The following ACSM3 variants were observed in gnomAD, a reference collection of about 807,000 sequenced individuals.
ACSM3 encodes the protein acyl-CoA synthetase medium chain family member 3, also known as acyl-coenzyme A synthetase ACSM3, mitochondrial.
Under a neutral mutation model 74.1 loss-of-function variants are expected in ACSM3, and 61 were observed. The ratio of observed to expected loss-of-function variants is 0.82; its 90% confidence interval spans 0.67 to 1.02. The LOEUF is 1.02. Among genes scored for constraint, ACSM3 ranks in the 50% least tolerant of loss-of-function variants. ACSM3 has a pLI of 0.00. For missense variants in ACSM3, 660 were observed against 697.0 expected, an observed-to-expected ratio of 0.95 and a Z score of 0.60; for synonymous variants, 213 against 241.5, an observed-to-expected ratio of 0.88 and a Z score of 1.09.
chr16:20,690,681 G>A (rs976499447), intron 1 of ACSM3, among the ~76,000 whole-genome samples: 6 of 152,154 alleles, frequency 3.9e-5, no homozygotes, highest in Admixed American at 6.5e-5. Context: ...AGACTAATAC[G>A]AATTTGCTGA....
chr16:20,676,693 G>A (rs889403477), intron 1 of ACSM3, among the ~76,000 whole-genome samples: 1 of 152,188 alleles, frequency 6.6e-6, no homozygotes, highest in African/African-American at 2.4e-5. Flanking sequence ...TTGCAAGGAG[G>A]CATGGTCGTG....
At chr16:20,755,627 T>TTTATTGTTA (rs2080023038) in intron 3 of ACSM3, 1 of 146,134 alleles carries the variant, frequency 6.8e-6, no homozygotes, top group Non-Finnish European at 1.5e-5. Context: ...GTAAGTGCTT[T>TTTATTGTTA]TTATTATTAT....
intron 1 of ACSM3, among the ~76,000 whole-genome samples, chr16:20,683,990 A>G (rs535804159): frequency 2.4e-4 from 36 of 152,256 alleles, no homozygotes; most frequent in African/African-American, 8.4e-4. Flanking sequence ...TGAATCACCT[A>G]TTTTATTTGT....
intron 1 of ACSM3, among the ~76,000 whole-genome samples, chr16:20,765,716 A>G (rs1464553682): frequency 6.6e-6 from 1 of 152,234 alleles, no homozygotes; most frequent in Non-Finnish European, 1.5e-5. Context: ...ATACACGGGT[A>G]ATGAATAAAT....
At chr16:20,728,329 CCTG>C in intron 1 of ACSM3, 2 of 896,510 alleles carry the variant, frequency 2.2e-6, no homozygotes, top group Admixed American at 2.2e-5. Flanking sequence ...CTATTTACAA[CCTG>C]CTTTCATTTT....
intron 9 of ACSM3, chr16:20,789,581 A>G: frequency 6.6e-7 from 1 of 1,516,420 alleles, no homozygotes; most frequent in Non-Finnish European, 9.2e-7. Flanking sequence ...GAAAACCAGT[A>G]ATGAAGATAT....
In ACSM3 at chr16:20,781,699, A is replaced by C. The variant is rs2080356451; in HGVS notation, c.940-9A>C. 1 of 1,607,698 alleles carries C rather than the reference A, an allele frequency of 6.2e-7. No individual in the cohort carries two copies. Among genetic ancestry groups the C allele is most frequent in the South Asian group, 1.1e-5 (1 of 90,948 alleles). On this transcript the variant is annotated splice_polypyrimidine_tract_variant and intron_variant, in intron 6 of 13. Coordinates refer to ENST00000289416, the MANE Select transcript of ACSM3 (RefSeq NM_005622.4). ...GTAAGACCAAGAGTTTGCTTTTTCT[A>C]AATTGCAGACACTCTCCAAGTACCC...
chr16:20,769,959 T>A, intron 1 of ACSM3, 25 bp from the exon 2 acceptor site: 1 of 1,467,184 alleles, frequency 6.8e-7, no homozygotes, highest in Non-Finnish European at 9.5e-7. Context: ...GAAACAAATA[T>A]ATGTCCTTTT....
intron 1 of ACSM3, chr16:20,703,311 A>T (rs893970698): frequency 6.6e-6 from 1 of 152,146 alleles, no homozygotes; most frequent in Admixed American, 6.5e-5. Context: ...TTTTTGTTCC[A>T]TATGAAATTT....
chr16:20,749,466 T>C (rs2079973126), intron 1 of ACSM3: 1 of 152,132 alleles, frequency 6.6e-6, no homozygotes, highest in Admixed American at 6.5e-5. Flanking sequence ...AGAAGAGTAT[T>C]TTCACCCCCT....
At chr16:20,727,333 G>A (rs1360017915) in intron 1 of ACSM3, 16 of 585,900 alleles carry the variant, frequency 2.7e-5, no homozygotes, top group South Asian at 1.9e-4. Flanking sequence ...ATGCAACTCT[G>A]TCTCTCCAGA....
At chr16:20,779,252 T>C (rs183159011) in intron 4 of ACSM3, among the ~76,000 whole-genome samples, 1 of 151,688 alleles carries the variant, frequency 6.6e-6, no homozygotes, top group East Asian at 1.9e-4. Flanking sequence ...GTGAAACCTC[T>C]TCTCTATATA....
intron 1 of ACSM3, among the ~76,000 whole-genome samples, chr16:20,704,355 A>C (rs1475499650): frequency 6.6e-6 from 1 of 152,226 alleles, no homozygotes; most frequent in Admixed American, 6.5e-5. Context: ...AGCCTCACGA[A>C]AGCCAGAAAA....
rs111712307 is a variant in ACSM3, at chr16:20,792,949, G to C, written c.1554+614G>C. ...CCTGTGTGTCTACAACATGCCCCTA[G>C]GGTTTCTCTAGCTGAGTTACAAGTT... On this transcript the variant is annotated intron_variant, in intron 12 of 13. Transcript: ENST00000289416. Among the ~76,000 whole-genome samples, 821 of 152,272 alleles carry C rather than the reference G, an allele frequency of 5.4e-3. 9 individuals are homozygous for C. The highest frequency in any genetic ancestry group is 0.019 in the African/African-American group (779 of 41,548).
rs367612552 is a variant in ACSM3, at chr16:20,781,175, C to T, written c.939+45C>T. 46 of 1,601,912 alleles carry T rather than the reference C, an allele frequency of 2.9e-5. No homozygotes were observed. In the African/African-American group the frequency reaches 5.0e-4, roughly 17 times the overall value. The stretch of plus-strand genomic sequence containing the variant: ...GGTCAATATTTAGAAATGCATTAAG[C>T]AGTATGGCTGACAGAACTGGTGAAT... On this transcript the variant is annotated intron_variant, in intron 6 of 13. Transcript: ENST00000289416.
At chr16:20,737,224 C>T in intron 1 of ACSM3, 2 of 1,614,168 alleles carry the variant, frequency 1.2e-6, no homozygotes, top group African/African-American at 1.3e-5. Context: ...ATTTCTACTA[C>T]CACTGTGTAC....
intron 1 of ACSM3, chr16:20,685,470 C>T (rs2079531018): frequency 7.1e-7 from 1 of 1,416,780 alleles, no homozygotes; most frequent in East Asian, 2.3e-5. Context: ...GTAAACTAAT[C>T]CACAGCCATA....
At chr16:20,702,642 T>C (rs2079716803) in intron 1 of ACSM3, among the ~76,000 whole-genome samples, 1 of 152,220 alleles carries the variant, frequency 6.6e-6, no homozygotes, top group Non-Finnish European at 1.5e-5. Context: ...ATCCTTTGCC[T>C]ATTTTATGAT....
At chr16:20,705,235 T>C (rs939321111) in intron 1 of ACSM3, among the ~76,000 whole-genome samples, 2 of 152,006 alleles carry the variant, frequency 1.3e-5, no homozygotes, top group Non-Finnish European at 2.9e-5. Flanking sequence ...TAGCCAGGCG[T>C]AGTGGTGGGC....
Sources: allele counts gnomAD v4.1 joint callset (sites outside exome capture counted in the v4.1 genomes callset), GRCh38; gene constraint gnomAD v4.1.1; transcripts MANE v1.5; gene names NCBI Gene and HGNC (gene_info 2026-07-23, HGNC 2026-07-21).